The following XKR6 variants were observed in gnomAD, a reference collection of about 807,000 sequenced individuals.
XKR6 encodes the protein XK related 6.
Under a neutral mutation model 56.7 loss-of-function variants are expected in XKR6, and 22 were observed. The ratio of observed to expected loss-of-function variants is 0.39; its 90% CI spans 0.28 to 0.55. The LOEUF is 0.55. XKR6 is among the 20% of genes least tolerant of loss of function. XKR6 has a pLI of 0.66. For missense variants in XKR6, 852 were observed against 889.0 expected (o/e 0.96, Z 0.53); for synonymous variants, 524 against 387.8 (o/e 1.35, Z -4.13).
intron 1 of XKR6, among the ~76,000 whole-genome samples, chr8:11,155,315 C>G (rs1586625939): frequency 6.6e-6 from 1 of 152,296 alleles, no homozygotes; most frequent in East Asian, 1.9e-4. Flanking sequence ...GTATTCCATA[C>G]TGGTAGTCTG....
chr8:11,007,727 G>T (rs992964203), intron 1 of XKR6, among the ~76,000 whole-genome samples: 1 of 152,222 alleles, frequency 6.6e-6, no homozygotes, highest in Non-Finnish European at 1.5e-5. Context: ...CCTGGTTGCT[G>T]TAAGGGTTGG....
At chr8:11,061,296 C>T (rs571326637) in intron 1 of XKR6, among the ~76,000 whole-genome samples, 2 of 152,240 alleles carry the variant, frequency 1.3e-5, no homozygotes, top group African/African-American at 4.8e-5. Context: ...AAAACCCCAT[C>T]TCTACAAAAA....
intron 1 of XKR6, among the ~76,000 whole-genome samples, chr8:10,972,031 A>G (rs6983869): frequency 0.44 from 67,583 of 152,078 alleles, 17,101 homozygotes; most frequent in African/African-American, 0.69. Flanking sequence ...CAGAAGTGAC[A>G]TTCAGTTGAA....
At chr8:11,084,922 A>G (rs1797837422) in intron 1 of XKR6, among the ~76,000 whole-genome samples, 1 of 152,186 alleles carries the variant, frequency 6.6e-6, no homozygotes, top group South Asian at 2.1e-4. Context: ...CCTTACTCCT[A>G]CAAAAAGAAA....
At chr8:11,074,105 A>G (rs1800204320) in intron 1 of XKR6, among the ~76,000 whole-genome samples, 1 of 152,368 alleles carries the variant, frequency 6.6e-6, no homozygotes, top group South Asian at 2.1e-4. Flanking sequence ...GAAAGCTAAG[A>G]TCTTCAAAGA....
intron 1 of XKR6, among the ~76,000 whole-genome samples, chr8:11,032,112 G>A (rs1799007061): frequency 6.6e-6 from 1 of 152,182 alleles, no homozygotes; most frequent in Admixed American, 6.5e-5. Flanking sequence ...ATTCTAGGGT[G>A]ATACTGCCCC....
intron 2 of XKR6, among the ~76,000 whole-genome samples, chr8:10,916,318 A>C (rs10092968): frequency 0.015 from 2,332 of 152,344 alleles, 66 homozygotes; most frequent in African/African-American, 0.051. Context: ...CTCACACAAC[A>C]AAATCACCAC....
intron 1 of XKR6, among the ~76,000 whole-genome samples, chr8:11,039,404 T>C (rs759722086): frequency 2.0e-5 from 3 of 152,188 alleles, no homozygotes; most frequent in Non-Finnish European, 1.5e-5. Context: ...GCAACAGCCA[T>C]GGTTAGGCCA....
At chr8:11,135,545 C>A (rs1480450963) in intron 1 of XKR6, among the ~76,000 whole-genome samples, 1 of 152,052 alleles carries the variant, frequency 6.6e-6, no homozygotes, top group Non-Finnish European at 1.5e-5. Context: ...GATCTATTAT[C>A]GGTCATTTAG....
chr8:11,032,768 T>C (rs1799022491), intron 1 of XKR6, among the ~76,000 whole-genome samples: 1 of 152,144 alleles, frequency 6.6e-6, no homozygotes, highest in Non-Finnish European at 1.5e-5. Flanking sequence ...AAGCCCTGCC[T>C]CCTGCCCTCT....
chr8:11,194,851 T>C (rs1208903600), intron 1 of XKR6: 1 of 425,742 alleles, frequency 2.3e-6, no homozygotes, highest in East Asian at 4.3e-5. Flanking sequence ...CCAGCCTTCT[T>C]ACAATACAGA....
intron 1 of XKR6, among the ~76,000 whole-genome samples, chr8:11,139,798 T>C (rs528166508): frequency 2.6e-5 from 4 of 152,208 alleles, no homozygotes; most frequent in African/African-American, 9.6e-5. Flanking sequence ...TAGCGTCACA[T>C]ACAAACAAGC....
chr8:11,100,060 GT>G (rs1798412913), intron 1 of XKR6, among the ~76,000 whole-genome samples: 1 of 152,088 alleles, frequency 6.6e-6, no homozygotes, highest in Admixed American at 6.5e-5. Flanking sequence ...TTTTCATTTT[GT>G]TTTGTTTTGA....
chr8:10,911,193 GGTGTGCGTGTGT>G (rs1800347430), intron 2 of XKR6, among the ~76,000 whole-genome samples: 1 of 128,840 alleles, frequency 7.8e-6, no homozygotes, highest in Non-Finnish European at 1.7e-5. Context: ...ATAGAGAGAG[GGTGTGCGTGTGT>G]GTGTGTGTGT....
chr8:10,973,596 T>C (rs1802468741), intron 1 of XKR6, among the ~76,000 whole-genome samples: 1 of 152,224 alleles, frequency 6.6e-6, no homozygotes, highest in South Asian at 2.1e-4. Context: ...TCTTTCTTTT[T>C]CTTTTTTTTA....
At chr8:11,119,381 G>A (rs1457426307) in intron 1 of XKR6, among the ~76,000 whole-genome samples, 5 of 152,144 alleles carry the variant, frequency 3.3e-5, no homozygotes, top group African/African-American at 9.7e-5. Flanking sequence ...TTTCTGTCTC[G>A]TTGATCTGTC....
intron 1 of XKR6, among the ~76,000 whole-genome samples, chr8:10,972,942 G>T (rs1802450906): frequency 6.6e-6 from 1 of 152,180 alleles, no homozygotes; most frequent in Admixed American, 6.5e-5. Context: ...CAGGTTGTAA[G>T]GGAAAGCCTG....
At chr8:11,089,663 A>G (rs1798002171) in intron 1 of XKR6, among the ~76,000 whole-genome samples, 1 of 152,216 alleles carries the variant, frequency 6.6e-6, no homozygotes, top group Non-Finnish European at 1.5e-5. Context: ...GAAATATTTC[A>G]ACAAATATAA....
At chr8:11,160,005 T>TA (rs1347253933) in intron 1 of XKR6, among the ~76,000 whole-genome samples, 1 of 152,130 alleles carries the variant, frequency 6.6e-6, no homozygotes, top group African/African-American at 2.4e-5. Context: ...GCACTACCTA[T>TA]AGGAGCTGCT....
Sources: allele counts gnomAD v4.1 joint callset (sites outside exome capture counted in the v4.1 genomes callset), GRCh38; gene constraint gnomAD v4.1.1; transcripts MANE v1.5; gene names NCBI Gene and HGNC (gene_info 2026-07-23, HGNC 2026-07-21).